The following WDR41 variants were observed in gnomAD, a reference collection of about 807,000 sequenced individuals.
The protein encoded by WDR41 is WD repeat-containing protein 41.
WDR41 carries 63 observed loss-of-function variants against 69.3 expected under a neutral mutation model. The observed-to-expected ratio is 0.91, with a 90% confidence interval of 0.74 to 1.12. The LOEUF (loss-of-function observed/expected upper bound fraction) is 1.12, where lower values mean the gene tolerates loss of function less well. Ranked by LOEUF, WDR41 falls within the 50% of genes most tolerant of loss-of-function variation. The pLI, the probability that WDR41 is intolerant of heterozygous loss-of-function variation, is 0.00. For missense variants in WDR41, 543 were observed against 534.5 expected, an observed-to-expected ratio of 1.02 and a Z score of -0.16; for synonymous variants, 185 against 192.1, an observed-to-expected ratio of 0.96 and a Z score of 0.31.
intron 1 of WDR41, among the ~76,000 whole-genome samples, chr5:77,556,440 C>T (rs1187885928): frequency 5.3e-5 from 8 of 152,060 alleles, no homozygotes; most frequent in African/African-American, 1.9e-4. Flanking sequence ...TGGAGTCTCG[C>T]TCTACTGCGC....
intron 3 of WDR41, 40 bp downstream of exon 3, chr5:77,464,721 C>T: frequency 8.8e-6 from 14 of 1,597,468 alleles, no homozygotes; most frequent in Non-Finnish European, 1.1e-5. Context: ...ACTACATCAT[C>T]ATATCTTTAT....
intron 12 of WDR41, among the ~76,000 whole-genome samples, chr5:77,435,876 T>C (rs1798919544): frequency 6.6e-6 from 1 of 152,240 alleles, no homozygotes; most frequent in Non-Finnish European, 1.5e-5. Flanking sequence ...GTTCATGAAT[T>C]TGATAAAGGC....
At chr5:77,466,941 G>T (rs138586518) in intron 2 of WDR41, among the ~76,000 whole-genome samples, 3 of 151,442 alleles carry the variant, frequency 2.0e-5, no homozygotes, top group African/African-American at 7.2e-5. Context: ...AAAGGGTTGA[G>T]ATATCATTCA....
chr5:77,501,205 G>A (rs749154704), intron 1 of WDR41, among the ~76,000 whole-genome samples: 53 of 152,222 alleles, frequency 3.5e-4, no homozygotes, highest in Non-Finnish European at 7.2e-4. Context: ...CTTAGCCACT[G>A]GCAGACCAGG....
At position 77,433,010 on chromosome 5, in the gene WDR41, T is replaced by G; in HGVS notation, c.*125A>C. 1 of 1,123,472 alleles carries G rather than the reference T, an allele frequency of 8.9e-7. No individual in the cohort carries two copies. The highest frequency in any genetic ancestry group is 1.2e-6 in the Non-Finnish European group (1 of 807,632). 69.6% of individuals were successfully genotyped at this position (1,123,472 alleles called of 1,614,324 possible). A position where few individuals can be genotyped will look rare whatever the true frequency, so the allele number is the denominator to read the frequency against. On this transcript the variant is annotated 3_prime_UTR_variant, in exon 13 of 13. Transcript: ENST00000296679. ...GGTAGGTCCACAAAAAATTTAAACA[T>G]GTAGAATTTTATGGACTGACAAAAA...
chr5:77,589,485 G>A (rs1744098189), intron 1 of WDR41, among the ~76,000 whole-genome samples: 1 of 152,114 alleles, frequency 6.6e-6, no homozygotes. Flanking sequence ...CAGTTTGGAG[G>A]AAACTATGTT....
intron 1 of WDR41, among the ~76,000 whole-genome samples, chr5:77,610,950 G>A (rs1408336822): frequency 6.6e-6 from 1 of 152,128 alleles, no homozygotes; most frequent in African/African-American, 2.4e-5. Flanking sequence ...AAAATAAAAG[G>A]ATGGAGGAAG....
intron 1 of WDR41, among the ~76,000 whole-genome samples, chr5:77,544,856 C>T (rs945141656): frequency 1.2e-4 from 19 of 152,114 alleles, no homozygotes; most frequent in South Asian, 2.1e-4. Context: ...ATCCAACAAC[C>T]GCAGAATATA....
intron 8 of WDR41, among the ~76,000 whole-genome samples, chr5:77,443,853 T>TA (rs1799267889): frequency 6.8e-6 from 1 of 147,430 alleles, no homozygotes; most frequent in Non-Finnish European, 1.5e-5. Context: ...AAAAATAAAA[T>TA]ACGGCATTCA....
At chr5:77,600,975 A>G (rs930818442) in intron 1 of WDR41, among the ~76,000 whole-genome samples, 2 of 144,284 alleles carry the variant, frequency 1.4e-5, no homozygotes, top group African/African-American at 5.1e-5. Flanking sequence ...AAGGCCATAA[A>G]CAGTGTGTAT....
chr5:77,528,823 C>T (rs938929361), intron 1 of WDR41, among the ~76,000 whole-genome samples: 7 of 151,372 alleles, frequency 4.6e-5, no homozygotes, highest in Non-Finnish European at 8.9e-5. Flanking sequence ...TGACAAAATT[C>T]GATATCTCAT....
intron 4 of WDR41, among the ~76,000 whole-genome samples, chr5:77,459,358 T>C (rs1046070242): frequency 1.3e-5 from 2 of 152,130 alleles, no homozygotes; most frequent in Non-Finnish European, 1.5e-5. Flanking sequence ...TCAAATTATT[T>C]GAAAATGCCA....
At chr5:77,552,008 A>ATAAC (rs1743308116) in intron 1 of WDR41, among the ~76,000 whole-genome samples, 3 of 101,910 alleles carry the variant, frequency 2.9e-5, no homozygotes, top group African/African-American at 1.0e-4. Context: ...AATAAAATAA[A>ATAAC]ATAAAATAAA....
intron 1 of WDR41, among the ~76,000 whole-genome samples, chr5:77,517,590 A>G (rs1398836633): frequency 2.7e-5 from 4 of 150,354 alleles, no homozygotes; most frequent in Non-Finnish European, 5.9e-5. Flanking sequence ...TGGGACAACT[A>G]GAAAATTCTA....
intron 8 of WDR41, among the ~76,000 whole-genome samples, chr5:77,447,779 G>A (rs1248260163): frequency 6.6e-6 from 1 of 152,016 alleles, no homozygotes; most frequent in Non-Finnish European, 1.5e-5. Context: ...GGGAAGGGGA[G>A]GAAACTGAGA....
At chr5:77,499,961 G>GT (rs199867566) in intron 1 of WDR41, among the ~76,000 whole-genome samples, 19 of 113,528 alleles carry the variant, frequency 1.7e-4, no homozygotes, top group Admixed American at 1.7e-3. Context: ...TTAATTGCTT[G>GT]TTAAAAAAAA....
chr5:77,539,868 C>T (rs892498755), intron 1 of WDR41, among the ~76,000 whole-genome samples: 5 of 152,134 alleles, frequency 3.3e-5, no homozygotes, highest in African/African-American at 1.2e-4. Flanking sequence ...CCTGACAGCT[C>T]AGTGGTCAGG....
intron 1 of WDR41, among the ~76,000 whole-genome samples, chr5:77,530,150 G>T (rs2360040): frequency 0.64 from 97,255 of 151,358 alleles, 31,424 homozygotes; most frequent in Admixed American, 0.7. Flanking sequence ...CCAGAATGGC[G>T]AATATTAAAA....
At chr5:77,544,769 G>A (rs1743156946) in intron 1 of WDR41, among the ~76,000 whole-genome samples, 2 of 152,052 alleles carry the variant, frequency 1.3e-5, no homozygotes, top group Admixed American at 6.5e-5. Context: ...CATCAAGAGA[G>A]AAAGTCTACA....
Sources: gnomAD v4.1 joint callset for allele counts (sites outside exome capture counted in the v4.1 genomes callset) on GRCh38, gnomAD v4.1.1 for gene constraint, MANE v1.5 for transcripts, NCBI Gene and HGNC (gene_info 2026-07-23, HGNC 2026-07-21) for gene names.